Variants in DENND1A observed in about 807,000 individuals in gnomAD.
DENND1A encodes DENN domain containing 1A.
In DENND1A, 51 loss-of-function variants were observed where a neutral mutation model predicts 113.7. The observed-to-expected ratio is 0.45, with a 90% CI of 0.36 to 0.57. The LOEUF is 0.57. DENND1A is among the 20% of genes least tolerant of loss of function. The probability of loss-of-function intolerance (pLI) is 0.00; values close to 1 mark genes in which losing one functional copy is unlikely to be tolerated. For synonymous variants in DENND1A, 565 were observed against 570.8 expected, an observed-to-expected ratio of 0.99 and a Z score of 0.14; for missense variants, 1,258 against 1,395.9, an observed-to-expected ratio of 0.90 and a Z score of 1.57.
At chr9:123,521,636 A>G (rs562770418) in intron 13 of DENND1A, among the ~76,000 whole-genome samples, 2 of 152,312 alleles carry the variant, frequency 1.3e-5, no homozygotes, top group East Asian at 1.9e-4. Flanking sequence ...ATGCCAGTCC[A>G]CTGAAATCTG....
At chr9:123,600,824 CCAT>C (rs1459089147) in intron 11 of DENND1A, among the ~76,000 whole-genome samples, 2 of 145,208 alleles carry the variant, frequency 1.4e-5, no homozygotes, top group Non-Finnish European at 3.1e-5. Flanking sequence ...AAGCAAGACT[CCAT>C]CATAAAAAAA....
intron 5 of DENND1A, among the ~76,000 whole-genome samples, chr9:123,707,117 G>C (rs1054741465): frequency 2.6e-5 from 4 of 152,060 alleles, no homozygotes; most frequent in African/African-American, 9.7e-5. Flanking sequence ...GCTCAGGGCC[G>C]GGCGCGGTGG....
Position 123,925,004 on chromosome 9 carries a change from G to A in DENND1A, c.17+4885C>T, listed in dbSNP as rs1856857172. Among the ~76,000 whole-genome samples, 3 of 152,098 alleles carry A rather than the reference G, an allele frequency of 2.0e-5. No homozygotes were observed. The South Asian group carries it at 6.2e-4, about 31-fold the overall frequency. ...TTCCCTCGCCACTCTATCTAAAATA[G>A]GACAGTCGCTCCCATCATTTTCTCT... On this transcript the variant is annotated intron_variant, in intron 1 of 23. Coordinates refer to ENST00000394215, the MANE Select transcript of DENND1A (RefSeq NM_001352964.2).
intron 8 of DENND1A, among the ~76,000 whole-genome samples, chr9:123,664,378 A>C (rs1013866618): frequency 6.6e-6 from 1 of 152,094 alleles, no homozygotes; most frequent in African/African-American, 2.4e-5. Flanking sequence ...TTATTGAATA[A>C]GTTTAAAATT....
chr9:123,763,003 A>G (rs1368089656), intron 4 of DENND1A, among the ~76,000 whole-genome samples: 1 of 152,190 alleles, frequency 6.6e-6, no homozygotes, highest in Non-Finnish European at 1.5e-5. Context: ...GGAAAGTGGC[A>G]TCACATTAAG....
At chr9:123,489,556 C>T (rs1354221107) in intron 13 of DENND1A, among the ~76,000 whole-genome samples, 1 of 152,226 alleles carries the variant, frequency 6.6e-6, no homozygotes, top group Non-Finnish European at 1.5e-5. Flanking sequence ...TACCGAAGGC[C>T]CCAGTTACAG....
intron 10 of DENND1A, among the ~76,000 whole-genome samples, chr9:123,622,224 T>G (rs2060998304): frequency 6.6e-6 from 1 of 152,210 alleles, no homozygotes; most frequent in African/African-American, 2.4e-5. Context: ...GGGAAAAGCA[T>G]GAGCTTGTCT....
At chr9:123,735,052 A>G (rs371206349) in intron 5 of DENND1A, among the ~76,000 whole-genome samples, 28 of 152,276 alleles carry the variant, frequency 1.8e-4, no homozygotes, top group African/African-American at 6.0e-4. Context: ...TGCTGGGAAA[A>G]GAGGAGATGG....
At chr9:123,818,559 CACACACACAT>C (rs71390446) in intron 2 of DENND1A, among the ~76,000 whole-genome samples, 4,039 of 123,256 alleles carry the variant, frequency 0.033, 55 homozygotes, top group East Asian at 0.056. Flanking sequence ...CACACACACA[CACACACACAT>C]ATATATATAT....
intron 13 of DENND1A, among the ~76,000 whole-genome samples, chr9:123,482,376 G>A (rs2050415014): frequency 6.6e-6 from 1 of 152,190 alleles, no homozygotes; most frequent in Non-Finnish European, 1.5e-5. Context: ...GGGATTACAG[G>A]CGTGAACCAC....
chr9:123,493,348 T>A (rs1407877397), intron 13 of DENND1A, among the ~76,000 whole-genome samples: 5 of 152,206 alleles, frequency 3.3e-5, no homozygotes, highest in African/African-American at 1.2e-4. Context: ...AATCGATTCT[T>A]TGCTACTTTG....
At position 123,883,914 on chromosome 9, in the gene DENND1A, CTATAAT is replaced by C. The variant is rs564472579; in HGVS notation, c.18-4899_18-4894del. ...GCTAAAATGCTAAGAACAAATTGGT[CTATAAT>C]TATAAGTTATGGTCATGCTTATCCA... On this transcript the variant is annotated intron_variant, in intron 1 of 23. Coordinates refer to ENST00000394215, the MANE Select transcript of DENND1A (RefSeq NM_001352964.2). 8.6e-4 allele frequency among the ~76,000 whole-genome samples: 129 copies of C among 150,144 alleles called. 1 individual carries two copies. Among genetic ancestry groups the C allele is most frequent in the African/African-American group, 2.8e-3 (115 of 40,870 alleles).
At chr9:123,804,929 C>A (rs903829681) in intron 2 of DENND1A, among the ~76,000 whole-genome samples, 3 of 152,122 alleles carry the variant, frequency 2.0e-5, no homozygotes, top group Non-Finnish European at 4.4e-5. Context: ...TACAGGGCCT[C>A]CTCTACAACG....
At chr9:123,568,926 C>T (rs940288887) in intron 12 of DENND1A, among the ~76,000 whole-genome samples, 2 of 152,148 alleles carry the variant, frequency 1.3e-5, no homozygotes, top group African/African-American at 4.8e-5. Context: ...AAAGAGCTGA[C>T]AGAAATTCAA....
At chr9:123,785,473 G>A (rs1417871520) in intron 3 of DENND1A, among the ~76,000 whole-genome samples, 1 of 149,988 alleles carries the variant, frequency 6.7e-6, no homozygotes, top group African/African-American at 2.5e-5. Context: ...AAAATAAGAG[G>A]CAACCTGTGA....
At chr9:123,845,530 T>C (rs1842462428) in intron 2 of DENND1A, among the ~76,000 whole-genome samples, 1 of 150,656 alleles carries the variant, frequency 6.6e-6, no homozygotes, top group Non-Finnish European at 1.5e-5. Flanking sequence ...ATTAAGTGGG[T>C]GTGGTGGCAT....
intron 22 of DENND1A, among the ~76,000 whole-genome samples, chr9:123,387,443 A>G (rs1435267983): frequency 6.6e-6 from 1 of 152,226 alleles, no homozygotes; most frequent in Non-Finnish European, 1.5e-5. Context: ...CACCAGTTCC[A>G]CTAGCAATCA....
intron 1 of DENND1A, among the ~76,000 whole-genome samples, chr9:123,918,029 G>A (rs961941696): frequency 1.7e-4 from 25 of 151,460 alleles, no homozygotes; most frequent in Admixed American, 1.1e-3. Flanking sequence ...CAGGAGAATA[G>A]CGTGAGCCCG....
chr9:123,906,142 A>C (rs1002453737), intron 1 of DENND1A, among the ~76,000 whole-genome samples: 1 of 151,756 alleles, frequency 6.6e-6, no homozygotes, highest in Non-Finnish European at 1.5e-5. Context: ...AGAAATAAAG[A>C]TGTTCTTTGA....
Sources: gnomAD v4.1 joint callset for allele counts (sites outside exome capture counted in the v4.1 genomes callset) on GRCh38, gnomAD v4.1.1 for gene constraint, MANE v1.5 for transcripts, NCBI Gene and HGNC (gene_info 2026-07-23, HGNC 2026-07-21) for gene names.